Variants in PARD3B observed in about 807,000 individuals in gnomAD.
PARD3B encodes the protein partitioning defective 3 homolog B.
PARD3B carries 103 observed loss-of-function variants against 130.2 expected under a neutral mutation model. The ratio of observed to expected loss-of-function variants is 0.79; its 90% CI spans 0.67 to 0.93. The LOEUF is 0.93. PARD3B is among the 40% of genes least tolerant of loss of function. The probability of loss-of-function intolerance (pLI) is 0.00; values close to 1 mark genes in which losing one functional copy is unlikely to be tolerated. For synonymous variants in PARD3B, 583 were observed against 553.2 expected (o/e 1.05, Z -0.76); for missense variants, 1,609 against 1,499.2 (o/e 1.07, Z -1.21).
chr2:204,844,985 A>G (rs2044404306), intron 2 of PARD3B, among the ~76,000 whole-genome samples: 1 of 152,140 alleles, frequency 6.6e-6, no homozygotes. Flanking sequence ...TATTAAGGGA[A>G]AAAAGATGCA....
At chr2:204,596,917 A>ACTCTCTCTCT (rs560128486) in intron 1 of PARD3B, among the ~76,000 whole-genome samples, 76 of 125,232 alleles carry the variant, frequency 6.1e-4, no homozygotes, top group African/African-American at 2.0e-3. Context: ...AAACTCACTC[A>ACTCTCTCTCT]CTCTCTCTCT....
intron 2 of PARD3B, among the ~76,000 whole-genome samples, chr2:204,759,963 A>T (rs552665470): frequency 6.6e-6 from 1 of 152,118 alleles, no homozygotes; most frequent in Middle Eastern, 3.2e-3. Context: ...TTAGAATGAT[A>T]GATTTTACTG....
At chr2:205,395,066 A>T (rs1029272139) in intron 18 of PARD3B, among the ~76,000 whole-genome samples, 8 of 152,046 alleles carry the variant, frequency 5.3e-5, no homozygotes, top group Admixed American at 5.2e-4. Context: ...TCCATCTCCG[A>T]CCTCTCACTC....
intron 2 of PARD3B, among the ~76,000 whole-genome samples, chr2:204,702,647 TC>T (rs2037948025): frequency 6.6e-6 from 1 of 152,176 alleles, no homozygotes; most frequent in South Asian, 2.1e-4. Flanking sequence ...GGATCTCGGC[TC>T]ATTGCAACCT....
rs181367143 is a variant in PARD3B at position 204,929,019 on chromosome 2, G to A, written c.223-36133G>A. On this transcript the variant is annotated intron_variant, in intron 2 of 22. Transcript: ENST00000406610. The stretch of plus-strand genomic sequence containing the variant: ...TATTTAACTTGTTTTTCCAATATCT[G>A]CAAATGGTTCTAACTCACTAAACCA... Among the ~76,000 whole-genome samples the A allele has an allele frequency of 2.1e-3, 320 of 152,156 alleles. 2 individuals carry two copies. Among genetic ancestry groups the A allele is most frequent in the African/African-American group, 7.5e-3 (312 of 41,492 alleles).
intron 19 of PARD3B, among the ~76,000 whole-genome samples, chr2:205,415,123 C>G (rs983001895): frequency 2.2e-4 from 33 of 152,084 alleles, no homozygotes; most frequent in African/African-American, 7.5e-4. Context: ...CTGCAATGAC[C>G]ATTAAATATT....
At position 205,073,108 on chromosome 2, in the gene PARD3B, T is replaced by A. The variant is rs992332650; in HGVS notation, c.504+25418T>A. Among the ~76,000 whole-genome samples, 12 of 152,162 alleles carry A rather than the reference T, an allele frequency of 7.9e-5. No individual in the cohort carries two copies. In the East Asian group the frequency reaches 2.1e-3, roughly 27 times the overall value. On this transcript the variant is annotated intron_variant, in intron 4 of 22. Transcript: ENST00000406610. Reference sequence around the variant, plus strand: ...AGCCAGTTAGTTGAAAATAAAGAACTAAGATTTTGTTTTTTGGTTACTATT... The same window carrying A: ...AGCCAGTTAGTTGAAAATAAAGAACAAAGATTTTGTTTTTTGGTTACTATT...
chr2:204,680,259 T>A (rs1483735932), intron 1 of PARD3B, among the ~76,000 whole-genome samples: 2 of 152,066 alleles, frequency 1.3e-5, no homozygotes, highest in Non-Finnish European at 1.5e-5. Context: ...TAATTCTTGT[T>A]GTTTTTGTAT....
chr2:204,685,114 T>C (rs551830433), intron 1 of PARD3B, among the ~76,000 whole-genome samples: 10 of 152,268 alleles, frequency 6.6e-5, no homozygotes, highest in African/African-American at 2.4e-4. Context: ...GAAATTGAAA[T>C]TGAATTCCGT....
chr2:204,806,873 C>T (rs887148490), intron 2 of PARD3B, among the ~76,000 whole-genome samples: 4 of 152,072 alleles, frequency 2.6e-5, no homozygotes, highest in African/African-American at 9.7e-5. Context: ...AAATGGTAAA[C>T]AGCTATGTAA....
At chr2:205,377,978 C>A (rs2045134636) in intron 18 of PARD3B, among the ~76,000 whole-genome samples, 1 of 152,002 alleles carries the variant, frequency 6.6e-6, no homozygotes. Flanking sequence ...ACCATGTTAG[C>A]CAGGCTAGTC....
intron 2 of PARD3B, among the ~76,000 whole-genome samples, chr2:204,842,690 G>A (rs1276219103): frequency 6.6e-6 from 1 of 152,166 alleles, no homozygotes; most frequent in African/African-American, 2.4e-5. Context: ...TGGAAAAGAT[G>A]ATTTTGAAAC....
intron 2 of PARD3B, among the ~76,000 whole-genome samples, chr2:204,849,440 C>T (rs1333534898): frequency 6.6e-6 from 1 of 152,174 alleles, no homozygotes; most frequent in Non-Finnish European, 1.5e-5. Context: ...CAACCTTTTA[C>T]GTGAGTAAGT....
At chr2:204,789,705 C>T (rs1021505948) in intron 2 of PARD3B, among the ~76,000 whole-genome samples, 2 of 152,030 alleles carry the variant, frequency 1.3e-5, no homozygotes, top group Admixed American at 6.6e-5. Context: ...TATTTGTTCT[C>T]GGAAATTTTT....
intron 22 of PARD3B, among the ~76,000 whole-genome samples, chr2:205,583,301 G>A (rs943973080): frequency 6.6e-6 from 1 of 152,152 alleles, no homozygotes; most frequent in Admixed American, 6.5e-5. Flanking sequence ...TGAGTGCATG[G>A]CAATGATGAT....
In PARD3B at chr2:204,798,051, A is replaced by G. The variant is rs192975733; in HGVS notation, c.222+111769A>G. Among the ~76,000 whole-genome samples the G allele has an allele frequency of 1.7e-3, 261 of 152,346 alleles. 1 individual carries two copies. The highest frequency in any genetic ancestry group is 3.7e-3 in the Admixed American group (56 of 15,308). On this transcript the variant is annotated intron_variant, in intron 2 of 22. Coordinates refer to ENST00000406610, the MANE Select transcript of PARD3B (RefSeq NM_001302769.2). ...TGTAGGAACAACAGATAGAACAACT[A>G]TCCACTCAAGAAAGTACCTTCATAA...
intron 3 of PARD3B, among the ~76,000 whole-genome samples, chr2:204,997,962 G>GTA (rs151335901): frequency 0.5 from 73,298 of 147,514 alleles, 18,628 homozygotes; most frequent in East Asian, 0.83. Flanking sequence ...GAGTGTATGT[G>GTA]TATATATATA....
In PARD3B at chr2:204,646,451, C is replaced by T. The variant is rs556308066; in HGVS notation, c.121-39730C>T. On this transcript the variant is annotated intron_variant, in intron 1 of 22. Transcript: ENST00000406610. ...TTTGTGAGATTCATCCATGTCATTG[C>T]GTGAAGCTGTAGGTTGTTAGTTTTC... 7.9e-5 allele frequency among the ~76,000 whole-genome samples: 12 copies of T among 152,064 alleles called. No homozygotes were observed. In the South Asian group the frequency reaches 1.0e-3, roughly 13 times the overall value.
Position 204,966,320 on chromosome 2 carries a change from A to G in PARD3B, c.394+997A>G, listed in dbSNP as rs539844377. 1.2e-4 allele frequency among the ~76,000 whole-genome samples: 19 copies of G among 152,282 alleles called. 1 individual carries two copies. The South Asian group carries it at 2.7e-3, about 22-fold the overall frequency. On this transcript the variant is annotated intron_variant, in intron 3 of 22. Coordinates refer to ENST00000406610, the MANE Select transcript of PARD3B (RefSeq NM_001302769.2). The stretch of plus-strand genomic sequence containing the variant: ...TAAACCAAATGGAAATTAATGACCT[A>G]TGGTCTAAGTGGGTTTTCCTGTATC...
Sources: allele counts gnomAD v4.1 joint callset (sites outside exome capture counted in the v4.1 genomes callset), GRCh38; gene constraint gnomAD v4.1.1; transcripts MANE v1.5; gene names NCBI Gene and HGNC (gene_info 2026-07-23, HGNC 2026-07-21).